Variants in ENPP3 observed in about 807,000 individuals in gnomAD.
ENPP3 encodes the protein ectonucleotide pyrophosphatase/phosphodiesterase family member 3.
In ENPP3, 104 loss-of-function variants were observed where a neutral mutation model predicts 117.8. The observed-to-expected ratio is 0.88, with a 90% CI of 0.75 to 1.04. The LOEUF (loss-of-function observed/expected upper bound fraction) is 1.04, where lower values mean the gene tolerates loss of function less well. ENPP3 is among the 50% of genes least tolerant of loss of function. The pLI, the probability that ENPP3 is intolerant of heterozygous loss-of-function variation, is 0.00. For synonymous variants in ENPP3, 380 were observed against 349.9 expected, an observed-to-expected ratio of 1.09 and a Z score of -0.96; for missense variants, 1,026 against 1,051.9, an observed-to-expected ratio of 0.98 and a Z score of 0.34.
chr6:131,650,411 CAG>C (rs1488228920), intron 3 of ENPP3, among the ~76,000 whole-genome samples: 1 of 151,978 alleles, frequency 6.6e-6, no homozygotes, highest in African/African-American at 2.4e-5. Context: ...TTTGTAGAGA[CAG>C]AGTCTCACCA....
intron 2 of ENPP3, among the ~76,000 whole-genome samples, chr6:131,648,811 A>G (rs1166015167): frequency 1.3e-5 from 2 of 152,314 alleles, no homozygotes; most frequent in Non-Finnish European, 2.9e-5. Flanking sequence ...GAGAAATGAT[A>G]TTTAGCTGGG....
At chr6:131,646,686 T>C (rs576234947) in intron 2 of ENPP3, among the ~76,000 whole-genome samples, 1 of 152,014 alleles carries the variant, frequency 6.6e-6, no homozygotes, top group Non-Finnish European at 1.5e-5. Context: ...ATGACCTTTT[T>C]TCTTACCTAA....
In ENPP3 at chr6:131,695,252, G is replaced by A. The variant is rs547370514; in HGVS notation, c.1412+1628G>A. On this transcript the variant is annotated intron_variant, in intron 15 of 24. Coordinates refer to ENST00000357639, the MANE Select transcript of ENPP3 (RefSeq NM_005021.5). ...GGGGTACATTCTCCAGATATTTACT[G>A]TTAAAAGTCTAACACCAAACAAGTT... Among the ~76,000 whole-genome samples, 4 of 152,272 alleles carry A rather than the reference G, an allele frequency of 2.6e-5. No homozygotes were observed. The East Asian group carries it at 5.8e-4, about 22-fold the overall frequency.
chr6:131,649,660 A>G (rs575423083), intron 2 of ENPP3, among the ~76,000 whole-genome samples: 1 of 152,206 alleles, frequency 6.6e-6, no homozygotes, highest in East Asian at 1.9e-4. Context: ...GGTTCAAGCA[A>G]TTCTCCTGCC....
At chr6:131,645,724 A>G (rs1462230386) in intron 2 of ENPP3, among the ~76,000 whole-genome samples, 1 of 152,186 alleles carries the variant, frequency 6.6e-6, no homozygotes, top group Non-Finnish European at 1.5e-5. Context: ...TGAAGGTATT[A>G]CTTTACTGTC....
chr6:131,643,056 G>A (rs2114288884), intron 2 of ENPP3: 1 of 152,300 alleles, frequency 6.6e-6, no homozygotes, highest in Non-Finnish European at 1.5e-5. Flanking sequence ...GCCTCAGTAA[G>A]GTTAACTGAT....
At chr6:131,695,899 G>A (rs1314962116) in intron 15 of ENPP3, among the ~76,000 whole-genome samples, 2 of 151,794 alleles carry the variant, frequency 1.3e-5, no homozygotes, top group African/African-American at 4.8e-5. Context: ...CTGGGCAACA[G>A]AGCAAGACTC....
intron 18 of ENPP3, among the ~76,000 whole-genome samples, chr6:131,723,825 T>TCACACACACACACACA (rs780029112): frequency 5.0e-5 from 7 of 140,782 alleles, no homozygotes; most frequent in African/African-American, 2.1e-4. Context: ...TCTCTCTCTC[T>TCACACACACACACACA]CTCACACACA....
At chr6:131,650,287 A>G in intron 3 of ENPP3, 138 bp downstream of exon 3, 2 of 849,612 alleles carry the variant, frequency 2.4e-6, no homozygotes, top group Non-Finnish European at 3.7e-6. Context: ...TGGCATGATC[A>G]TGGCCAACTC....
chr6:131,683,300 G>A (rs899776150), intron 12 of ENPP3, 138 bp downstream of exon 12: 12 of 577,982 alleles, frequency 2.1e-5, no homozygotes, highest in Non-Finnish European at 3.6e-5. Flanking sequence ...AATGAATTGT[G>A]GTAGAATGTG....
intron 2 of ENPP3, among the ~76,000 whole-genome samples, chr6:131,644,190 C>T (rs1778110990): frequency 6.6e-6 from 1 of 152,042 alleles, no homozygotes; most frequent in African/African-American, 2.4e-5. Context: ...AAAGAGGAAC[C>T]CGATCAAGTA....
chr6:131,648,470 C>T (rs1778194670), intron 2 of ENPP3, among the ~76,000 whole-genome samples: 1 of 151,934 alleles, frequency 6.6e-6, no homozygotes, highest in Admixed American at 6.6e-5. Context: ...ATGTGTTATT[C>T]ACTGTTACTT....
At chr6:131,667,222 G>T (rs1275909028) in intron 6 of ENPP3, among the ~76,000 whole-genome samples, 1 of 151,764 alleles carries the variant, frequency 6.6e-6, no homozygotes, top group African/African-American at 2.4e-5. Flanking sequence ...AAACCGGTGT[G>T]TTTTTTTCTC....
intron 6 of ENPP3, among the ~76,000 whole-genome samples, chr6:131,667,163 C>T (rs1392285513): frequency 6.6e-6 from 1 of 151,218 alleles, no homozygotes; most frequent in African/African-American, 2.4e-5. Flanking sequence ...TGCTTTTTTT[C>T]TCTGTGCTGT....
intron 15 of ENPP3, among the ~76,000 whole-genome samples, chr6:131,711,784 G>GT (rs1227075885): frequency 9.3e-6 from 1 of 107,666 alleles, no homozygotes; most frequent in Non-Finnish European, 1.7e-5. Flanking sequence ...CTTTTTTATA[G>GT]TTTTTTTGGT....
chr6:131,733,773 T>G, intron 21 of ENPP3, 50 bp downstream of exon 21: 1 of 1,592,430 alleles, frequency 6.3e-7, no homozygotes, highest in South Asian at 1.1e-5. Flanking sequence ...TCTCATCAGC[T>G]GGATGTGGGC....
intron 6 of ENPP3, 72 bp from the exon 7 acceptor site, chr6:131,671,176 G>A: frequency 1.2e-6 from 1 of 845,844 alleles, no homozygotes. Flanking sequence ...AGACTTTCAT[G>A]TTCAGATTTT....
chr6:131,733,736 C>A lies in ENPP3; in HGVS notation c.2089+13C>A. On this transcript the variant is annotated intron_variant, in intron 21 of 24. Coordinates refer to ENST00000357639, the MANE Select transcript of ENPP3 (RefSeq NM_005021.5). ...CTCTATCCTCCTGGTTAGTAGAACT[C>A]TTTTTTAGAGCAGTAGCTTAGAAAG... is the stretch of plus-strand genomic sequence containing the variant. 2 of 1,612,836 alleles carry A rather than the reference C, an allele frequency of 1.2e-6. No individual in the cohort carries two copies. Among genetic ancestry groups the A allele is most frequent in the Non-Finnish European group, 1.7e-6 (2 of 1,179,072 alleles).
Position 131,701,406 on chromosome 6 carries a change from C to A in ENPP3, c.1412+7782C>A, listed in dbSNP as rs374333768. 5.6e-6 allele frequency: 9 copies of A among 1,612,436 alleles called. No individual in the cohort carries two copies. In the African/African-American group the frequency reaches 1.2e-4, roughly 22 times the overall value. On this transcript the variant is annotated intron_variant, in intron 15 of 24. Transcript: ENST00000357639. ...GGATGTTATATTGTCTCCCATATCCCTATGACAGAGGAAATCAAGTTAATG... is the reference window on the plus strand; with the variant it reads ...GGATGTTATATTGTCTCCCATATCCATATGACAGAGGAAATCAAGTTAATG...
Sources: allele counts gnomAD v4.1 joint callset (sites outside exome capture counted in the v4.1 genomes callset), GRCh38; gene constraint gnomAD v4.1.1; transcripts MANE v1.5; gene names NCBI Gene and HGNC (gene_info 2026-07-23, HGNC 2026-07-21).